The following METTL17 variants were observed in gnomAD, a reference collection of about 807,000 sequenced individuals.
METTL17 encodes the protein ribosome assembly protein METTL17, mitochondrial.
Under a neutral mutation model 59.4 loss-of-function variants are expected in METTL17, and 49 were observed. That is an observed-to-expected ratio of 0.82 (90% CI 0.66 to 1.05). METTL17 has a LOEUF of 1.05. Ranked by LOEUF, METTL17 falls within the 50% of genes least tolerant of loss-of-function variation. The pLI is 0.00. For synonymous variants in METTL17, 208 were observed against 209.2 expected (o/e 0.99, Z 0.05); for missense variants, 555 against 578.4 (o/e 0.96, Z 0.41).
In METTL17 at chr14:20,993,960, C is replaced by G. The variant is rs369383023; in HGVS notation, c.603-9C>G. ...GAATTGGTGATTTATAATAATTTTGCCATCTTAGGGCTGCTCACAGTATTT... is the reference window on the plus strand; with the variant it reads ...GAATTGGTGATTTATAATAATTTTGGCATCTTAGGGCTGCTCACAGTATTT... On this transcript the variant is annotated splice_polypyrimidine_tract_variant and intron_variant, in intron 6 of 13. Transcript: ENST00000339374. 16 of 1,606,420 alleles carry G rather than the reference C, an allele frequency of 1.0e-5. No homozygotes were observed. In the African/African-American group the frequency reaches 2.1e-4, roughly 22 times the overall value.
At chr14:20,993,759 C>T in intron 6 of METTL17, 1 of 357,798 alleles carries the variant, frequency 2.8e-6, no homozygotes, top group Non-Finnish European at 5.1e-6. Flanking sequence ...AAGCATGAGC[C>T]ACTGTGCCCA....
At chr14:20,990,179 C>T (rs771102128) in intron 1 of METTL17, 51 bp from the exon 2 acceptor site, 15 of 1,612,974 alleles carry the variant, frequency 9.3e-6, no homozygotes, top group Middle Eastern at 1.6e-4. Context: ...TAGCGATTGC[C>T]AGCAACTTTC....
At chr14:20,992,841 A>T (rs754939434) in intron 5 of METTL17, 2 of 606,508 alleles carry the variant, frequency 3.3e-6, no homozygotes, top group Non-Finnish European at 5.8e-6. Flanking sequence ...GTGAGCTGTG[A>T]TCTCCACTGT....
rs199730461 is a variant in METTL17, at chr14:20,990,245, G to C, written c.91G>C (p.Val31Leu). 6.2e-4 allele frequency: 1,005 copies of C among 1,614,228 alleles called. 18 individuals are homozygous for C. In the South Asian group the frequency reaches 0.01, roughly 17 times the overall value. ...CTGCCTGCAGGCGCTCGCCGCCTTA[G>C]TACCCGGAGTGACCCAGGTAGATAA... The part of the protein sequence containing the change: ...APQARALAAL[V>L]PGVTQVDNKS... The change falls in exon 2 of 14, where the codon GTA becomes CTA. Residue 31 changes from valine (V) to leucine (L), a missense_variant. Transcript: ENST00000339374.
intron 3 of METTL17, 126 bp downstream of exon 3, chr14:20,990,724 A>G (rs1255776407): frequency 8.2e-7 from 1 of 1,222,876 alleles, no homozygotes; most frequent in African/African-American, 1.5e-5. Context: ...CCAGAGCAGC[A>G]GTTGTTACAA....
rs533638218 is a variant in METTL17, at chr14:20,997,008, A to G, written c.*118A>G. ...CTGTGTTTGTTTGAGATTTTTAATA[A>G]TAAATAATAAATTTTTGAAGAATGG... On this transcript the variant is annotated 3_prime_UTR_variant, in exon 14 of 14. Transcript: ENST00000339374. 1 of 1,065,184 alleles carries G rather than the reference A, an allele frequency of 9.4e-7. No individual in the cohort carries two copies. Among genetic ancestry groups the G allele is most frequent in the South Asian group, 2.2e-5 (1 of 46,284 alleles). 66.0% of individuals were successfully genotyped at this position (1,065,184 alleles called of 1,614,324 possible).
chr14:20,991,988 G>T, intron 3 of METTL17, 136 bp from the exon 4 acceptor site: 3 of 721,862 alleles, frequency 4.2e-6, no homozygotes, highest in East Asian at 2.7e-5. Flanking sequence ...CTTTTCTCTA[G>T]GTTTGTCGTC....
Position 20,990,322 on chromosome 14 carries a change from A to G in METTL17, c.168A>G (p.Leu56=). ...KRPHRQHPGI[L]KLPHVRLPQA... ...CTCATCGCCAGCACCCTGGCATCCTAAAGCTGCCGCACGTGCGGCTGCCAC... is the reference window on the plus strand; with the variant it reads ...CTCATCGCCAGCACCCTGGCATCCTGAAGCTGCCGCACGTGCGGCTGCCAC... The change falls in exon 2 of 14, where the codon CTA becomes CTG. Residue 56 remains leucine (L), a synonymous_variant. Transcript: ENST00000339374. The G allele has an allele frequency of 6.2e-7, 1 of 1,614,212 alleles. No individual in the cohort carries two copies. The highest frequency in any genetic ancestry group is 8.5e-7 in the Non-Finnish European group (1 of 1,180,030).
intron 12 of METTL17, 42 bp from the exon 13 acceptor site, chr14:20,996,485 A>T (rs567792924): frequency 6.4e-6 from 10 of 1,573,090 alleles, no homozygotes; most frequent in Non-Finnish European, 7.8e-6. Flanking sequence ...CTTTTTTCCC[A>T]TATCTTTTTC....
In METTL17 at chr14:20,994,638, C is replaced by A. The variant is rs767167930; in HGVS notation, c.768+25C>A. On this transcript the variant is annotated intron_variant, in intron 8 of 13. Coordinates refer to ENST00000339374, the MANE Select transcript of METTL17 (RefSeq NM_022734.3). ...GGCAAGTGGCAGTGTTTAGAATATT[C>A]TAAATGTGGAATGTGGCAGATGGAA... 4.2e-5 allele frequency: 68 copies of A among 1,607,992 alleles called. No individual in the cohort carries two copies. In the East Asian group the frequency reaches 8.5e-4, roughly 20 times the overall value.
chr14:20,995,928 C>G lies in METTL17; in HGVS notation c.973C>G (p.Arg325Gly). The G allele has an allele frequency of 6.2e-7, 1 of 1,614,116 alleles. No individual in the cohort carries two copies. The highest frequency in any genetic ancestry group is 8.5e-7 in the Non-Finnish European group (1 of 1,180,008). The change falls in exon 11 of 14, where the codon CGA (arginine) becomes GGA (glycine). Residue 325 changes from arginine (R) to glycine (G), a missense_variant. Transcript: ENST00000339374. ...AAAAGAGAAGTCACCTTTGGACCCT[C>G]GACCTGGTTTTGTCTTTGCCCCGGT... is the stretch of plus-strand genomic sequence containing the variant. ...KGKEKSPLDP[R>G]PGFVFAPCPH...
At chr14:20,990,662 G>A (rs1879981817) in intron 3 of METTL17, 64 bp downstream of exon 3, 3 of 1,584,332 alleles carry the variant, frequency 1.9e-6, no homozygotes, top group Non-Finnish European at 2.6e-6. Context: ...TGAAGAGTAA[G>A]AAATAATTCT....
At position 20,996,270 on chromosome 14, in the gene METTL17, A is replaced by G; in HGVS notation, c.1058A>G (p.Tyr353Cys). The G allele has an allele frequency of 6.2e-7, 1 of 1,614,140 alleles. No homozygotes were observed. The highest frequency in any genetic ancestry group is 8.5e-7 in the Non-Finnish European group (1 of 1,180,014). Residue 353 changes from tyrosine to cysteine, a missense_variant, in exon 12 of 14, where the codon TAC (tyrosine) becomes TGC (cysteine). By Grantham distance (194) the Tyr-to-Cys change is radical (BLOSUM62 -2). Transcript: ENST00000339374. ...CTGGCCTGTAGCTTCTCACAGGCGT[A>G]CCATCCCATCCCCTTCAGCTGGGTA... ...TNLACSFSQA[Y>C]HPIPFSWNKK...
At chr14:20,991,587 G>A (rs1880030292) in intron 3 of METTL17, among the ~76,000 whole-genome samples, 1 of 151,926 alleles carries the variant, frequency 6.6e-6, no homozygotes, top group Admixed American at 6.6e-5. Flanking sequence ...CTATAGTGCA[G>A]TGGTGCGATC....
At position 20,996,830 on chromosome 14, in the gene METTL17, A is replaced by G; in HGVS notation, c.1311A>G (p.Leu437=). 1.2e-6 allele frequency: 2 copies of G among 1,613,988 alleles called. No homozygotes were observed. The highest frequency in any genetic ancestry group is 1.7e-6 in the Non-Finnish European group (2 of 1,180,014). ...GTGTCAGCTCCTGGGGAGATCTTTTACCTGTGCTTACTCCGTCTGCGTTTC... is the reference window on the plus strand; with the variant it reads ...GTGTCAGCTCCTGGGGAGATCTTTTGCCTGTGCTTACTCCGTCTGCGTTTC... ...CARVSSWGDL[L]PVLTPSAFPP... Residue 437 remains leucine (L), a synonymous_variant, in exon 14 of 14, where the codon TTA becomes TTG. Coordinates refer to ENST00000339374, the MANE Select transcript of METTL17 (RefSeq NM_022734.3).
Position 20,996,964 on chromosome 14 carries a change from T to C in METTL17, c.*74T>C. On this transcript the variant is annotated 3_prime_UTR_variant, in exon 14 of 14. Transcript: ENST00000339374. ...AGCTGCCTGGTATCCAGGAGGGGAA[T>C]GCTGGTATCCCCATATGTCTGTGTT... is the stretch of plus-strand genomic sequence containing the variant. The C allele has an allele frequency of 6.8e-7, 1 of 1,464,032 alleles. No individual in the cohort carries two copies. The highest frequency in any genetic ancestry group is 9.3e-7 in the Non-Finnish European group (1 of 1,075,058). The allele number at this position is 1,464,032 out of a possible 1,614,324, so 90.7% of individuals were successfully genotyped here. A position where few individuals can be genotyped will look rare whatever the true frequency, so the allele number is the denominator to read the frequency against.
intron 3 of METTL17, chr14:20,991,618 C>A (rs1276753489): frequency 1.8e-5 from 3 of 169,188 alleles, no homozygotes; most frequent in African/African-American, 7.2e-5. Flanking sequence ...ACAACCTCTG[C>A]CTCCCGGTTT....
intron 3 of METTL17, chr14:20,991,685 C>T (rs763320267): frequency 3.0e-4 from 60 of 196,944 alleles, no homozygotes; most frequent in Non-Finnish European, 5.0e-4. Context: ...TGCACGCCAC[C>T]ACGCCTGGCT....
chr14:20,996,335 A>G (rs757838425), intron 12 of METTL17, 43 bp downstream of exon 12: 3 of 1,581,414 alleles, frequency 1.9e-6, no homozygotes, highest in Admixed American at 1.7e-5. Flanking sequence ...AACATCCTGG[A>G]AAAACAGGAA....
Sources: allele counts gnomAD v4.1 joint callset (sites outside exome capture counted in the v4.1 genomes callset), GRCh38; gene constraint gnomAD v4.1.1; transcripts MANE v1.5; gene names NCBI Gene and HGNC (gene_info 2026-07-23, HGNC 2026-07-21).